TULP3: variants seen among roughly 807,000 people sequenced by gnomAD.
TULP3 encodes the protein tubby-related protein 3.
TULP3 carries 38 observed loss-of-function variants against 50.7 expected under a neutral mutation model. That is an observed-to-expected ratio of 0.75 (90% CI 0.58 to 0.98). The LOEUF (loss-of-function observed/expected upper bound fraction) is 0.98. TULP3 is among the 50% of genes least tolerant of loss of function. The pLI is 0.00. For synonymous variants in TULP3, 183 were observed against 196.6 expected (o/e 0.93, Z 0.58); for missense variants, 550 against 568.0 (o/e 0.97, Z 0.32).
chr12:2,939,826 T>A lies in TULP3; in HGVS notation c.*382T>A, dbSNP rs1272744234. ...TAAAACACACACACACCCCGCGCAC[T>A]CTCACTCCTTTTCCAGGTTTCATAG... On this transcript the variant is annotated 3_prime_UTR_variant, in exon 11 of 11. Transcript: ENST00000448120. The surrounding 1 kb of genome is among the most constrained non-coding windows in gnomAD (Gnocchi z 4.0). 3.4e-6 allele frequency: 4 copies of A among 1,193,242 alleles called. No homozygotes were observed. The South Asian group carries it at 6.2e-5, about 19-fold the overall frequency. 73.9% of individuals were successfully genotyped at this position (1,193,242 alleles called of 1,614,324 possible).
intron 2 of TULP3, among the ~76,000 whole-genome samples, chr12:2,913,120 TTA>T (rs1429479579): frequency 6.6e-6 from 1 of 152,044 alleles, no homozygotes; most frequent in East Asian, 1.9e-4. Flanking sequence ...TGTCTGTGAT[TTA>T]GAGCCATTCT....
At chr12:2,915,758 A>G (rs1361697302) in intron 2 of TULP3, among the ~76,000 whole-genome samples, 1 of 151,794 alleles carries the variant, frequency 6.6e-6, no homozygotes, top group Non-Finnish European at 1.5e-5. Flanking sequence ...GTTGGCCAGG[A>G]TGGTTTCAAT....
rs1478590110 is a variant in TULP3, at chr12:2,919,430, G to T, written c.94-1333G>T. Among the ~76,000 whole-genome samples the T allele has an allele frequency of 2.0e-5, 3 of 152,128 alleles. No homozygotes were observed. In the East Asian group the frequency reaches 5.8e-4, roughly 29 times the overall value. Reference sequence around the variant, plus strand: ...TATATGCAAGCTATTGAATTAATCAGTGTGCTCTCATCAGCCCAGTTCAGG... The same window carrying T: ...TATATGCAAGCTATTGAATTAATCATTGTGCTCTCATCAGCCCAGTTCAGG... On this transcript the variant is annotated intron_variant, in intron 2 of 10. Coordinates refer to ENST00000448120, the MANE Select transcript of TULP3 (RefSeq NM_003324.5).
chr12:2,935,108 C>A (rs1244921163), intron 8 of TULP3, among the ~76,000 whole-genome samples: 1 of 152,190 alleles, frequency 6.6e-6, no homozygotes, highest in Admixed American at 6.5e-5. Context: ...TCCTCCTGTT[C>A]TGCTTCAAAT....
At chr12:2,894,538 A>C (rs973343703) in intron 1 of TULP3, among the ~76,000 whole-genome samples, 10 of 147,726 alleles carry the variant, frequency 6.8e-5, no homozygotes, top group African/African-American at 1.0e-4. Flanking sequence ...CCGTCTCAAA[A>C]ACACACACAC....
In TULP3 at chr12:2,933,549, C is replaced by T. The variant is rs763644905; in HGVS notation, c.809+19C>T. On this transcript the variant is annotated intron_variant, in intron 7 of 10. Transcript: ENST00000448120. ...AGCTTAGGTGAAAGCAACCTTAGAT[C>T]ACTGTCCTATTCTTTCTGATAGTCT... The T allele has an allele frequency of 6.4e-5, 95 of 1,478,520 alleles. No homozygotes were observed. The East Asian group carries it at 2.1e-3, about 32-fold the overall frequency. 91.6% of individuals were successfully genotyped at this position (1,478,520 alleles called of 1,614,324 possible). A position where few individuals can be genotyped will look rare whatever the true frequency, so the allele number is the denominator to read the frequency against.
At chr12:2,898,001 A>G (rs1286393536) in intron 1 of TULP3, among the ~76,000 whole-genome samples, 1 of 146,552 alleles carries the variant, frequency 6.8e-6, no homozygotes, top group Admixed American at 7.0e-5. Context: ...TCACTTGAAC[A>G]TGGGAGGCAG....
intron 2 of TULP3, among the ~76,000 whole-genome samples, chr12:2,914,312 C>T (rs576687447): frequency 9.9e-5 from 15 of 151,896 alleles, no homozygotes; most frequent in African/African-American, 2.7e-4. Context: ...GTAGTAGAGA[C>T]AGGGTTTCTC....
At chr12:2,898,675 C>T (rs1047697985) in intron 1 of TULP3, among the ~76,000 whole-genome samples, 2 of 152,086 alleles carry the variant, frequency 1.3e-5, no homozygotes, top group African/African-American at 4.8e-5. Context: ...ACTTCCTGCA[C>T]AGTGATAATT....
intron 1 of TULP3, among the ~76,000 whole-genome samples, chr12:2,892,993 A>G (rs2098173116): frequency 6.6e-6 from 1 of 151,292 alleles, no homozygotes; most frequent in Non-Finnish European, 1.5e-5. Context: ...CAGCATCCCT[A>G]GTAGCTGGGA....
rs753861055 is a variant in TULP3 at position 2,922,427 on chromosome 12, G to C, written c.394+25G>C. The stretch of plus-strand genomic sequence containing the variant: ...GGTGAGGACTGGTAATGATTTTAAG[G>C]CAATTTGTCTCCTTACTCAATTGTA... On this transcript the variant is annotated intron_variant, in intron 4 of 10. Coordinates refer to ENST00000448120, the MANE Select transcript of TULP3 (RefSeq NM_003324.5). 8 of 1,596,722 alleles carry C rather than the reference G, an allele frequency of 5.0e-6. No homozygotes were observed. In the South Asian group the frequency reaches 9.2e-5, roughly 18 times the overall value.
chr12:2,940,954 C>T lies in TULP3; in HGVS notation c.*1510C>T, dbSNP rs575398222. ...GTTGGCCACAGAAGCTATTAATACACGACAGCATGTGGGGAAGGACTTATG... is the reference window on the plus strand; with the variant it reads ...GTTGGCCACAGAAGCTATTAATACATGACAGCATGTGGGGAAGGACTTATG... On this transcript the variant is annotated 3_prime_UTR_variant, in exon 11 of 11. Coordinates refer to ENST00000448120, the MANE Select transcript of TULP3 (RefSeq NM_003324.5). The T allele has an allele frequency of 1.0e-4, 54 of 514,854 alleles. No homozygotes were observed. Among genetic ancestry groups the T allele is most frequent in the Middle Eastern group, 7.5e-4 (2 of 2,656 alleles). The allele number at this position is 514,854 out of a possible 1,614,324, so 31.9% of individuals were successfully genotyped here. A position where few individuals can be genotyped will look rare whatever the true frequency, so the allele number is the denominator to read the frequency against.
intron 8 of TULP3, among the ~76,000 whole-genome samples, chr12:2,934,820 C>A (rs1427819848): frequency 6.6e-6 from 1 of 152,116 alleles, no homozygotes; most frequent in Non-Finnish European, 1.5e-5. Context: ...TTACTTCTTA[C>A]CCAGTGGCCA....
intron 4 of TULP3, 148 bp downstream of exon 4, chr12:2,922,550 A>G (rs1010729226): frequency 2.3e-5 from 22 of 946,044 alleles, no homozygotes; most frequent in Admixed American, 6.5e-5. Context: ...AGCATCTTTT[A>G]CATCTGAATG....
chr12:2,940,735 C>A lies in TULP3; in HGVS notation c.*1291C>A. 1 of 1,546,384 alleles carries A rather than the reference C, an allele frequency of 6.5e-7. No homozygotes were observed. The highest frequency in any genetic ancestry group is 8.7e-7 in the Non-Finnish European group (1 of 1,143,920). On this transcript the variant is annotated 3_prime_UTR_variant, in exon 11 of 11. Coordinates refer to ENST00000448120, the MANE Select transcript of TULP3 (RefSeq NM_003324.5). ...ATCAGATAAGCATGTGAAGGAGGGC[C>A]AACTGGCAGCTGCGGGACCCTTGGC...
chr12:2,897,899 T>TG (rs2153947675), intron 1 of TULP3, among the ~76,000 whole-genome samples: 1 of 150,936 alleles, frequency 6.6e-6, no homozygotes, highest in Admixed American at 6.6e-5. Flanking sequence ...GGCAGCATGG[T>TG]GAAACCCTGT....
rs377083932 is a variant in TULP3 at position 2,902,600 on chromosome 12, A to C, written c.42-6929A>C. On this transcript the variant is annotated intron_variant, in intron 1 of 10. Coordinates refer to ENST00000448120, the MANE Select transcript of TULP3 (RefSeq NM_003324.5). Reference sequence around the variant, plus strand: ...CGAAAAATTTACACTTAACAGGCTGAGAGAAGTTGACAGGAACATTGAGAG... The same window carrying C: ...CGAAAAATTTACACTTAACAGGCTGCGAGAAGTTGACAGGAACATTGAGAG... 8.3e-4 allele frequency among the ~76,000 whole-genome samples: 127 copies of C among 152,320 alleles called. No homozygotes were observed. The South Asian group carries it at 0.026, about 31-fold the overall frequency.
chr12:2,929,569 C>T lies in TULP3; in HGVS notation c.395-679C>T, dbSNP rs573646195. ...TCCCAAAGTGCTAGGAGTTCAAGCA[C>T]GAGCCACTGTGCCCTGCCTAAATTT... On this transcript the variant is annotated intron_variant, in intron 4 of 10. Coordinates refer to ENST00000448120, the MANE Select transcript of TULP3 (RefSeq NM_003324.5). Among the ~76,000 whole-genome samples the T allele has an allele frequency of 2.2e-3, 336 of 151,764 alleles. 1 individual carries two copies. The highest frequency in any genetic ancestry group is 7.5e-3 in the African/African-American group (312 of 41,418).
chr12:2,923,789 TG>T (rs1207815971), intron 4 of TULP3, among the ~76,000 whole-genome samples: 1 of 150,820 alleles, frequency 6.6e-6, no homozygotes, highest in Non-Finnish European at 1.5e-5. Flanking sequence ...CTGGGCAACA[TG>T]GAGAAACCTT....
Sources: allele counts gnomAD v4.1 joint callset (sites outside exome capture counted in the v4.1 genomes callset), GRCh38; gene constraint gnomAD v4.1.1; non-coding constraint Gnocchi (gnomAD v3.1); transcripts MANE v1.5; gene names NCBI Gene and HGNC (gene_info 2026-07-23, HGNC 2026-07-21).